Variants in SEMA3E observed in about 807,000 individuals in gnomAD.
The protein encoded by SEMA3E is semaphorin 3E.
In SEMA3E, 49 loss-of-function variants were observed where a neutral mutation model predicts 93.6. The observed-to-expected ratio is 0.52, with a 90% confidence interval of 0.42 to 0.66. The LOEUF (loss-of-function observed/expected upper bound fraction) is 0.66. Among genes scored for constraint, SEMA3E ranks in the 30% least tolerant of loss-of-function variants. The pLI is 0.00. For missense variants in SEMA3E, 906 were observed against 964.8 expected, an observed-to-expected ratio of 0.94 and a Z score of 0.81; for synonymous variants, 363 against 330.7, an observed-to-expected ratio of 1.10 and a Z score of -1.06.
chr7:83,579,757 A>G (rs574872161), intron 1 of SEMA3E, among the ~76,000 whole-genome samples: 1 of 152,240 alleles, frequency 6.6e-6, no homozygotes, highest in African/African-American at 2.4e-5. Flanking sequence ...CAAGGTTAAA[A>G]TCTCAGAAAT....
intron 5 of SEMA3E, 30 bp downstream of exon 5, chr7:83,418,360 C>T: frequency 6.9e-7 from 1 of 1,459,714 alleles, no homozygotes; most frequent in Non-Finnish European, 9.6e-7. Flanking sequence ...CTTATGACTA[C>T]CACCTGATGT....
chr7:83,641,821 A>C (rs1794015400), intron 1 of SEMA3E, among the ~76,000 whole-genome samples: 1 of 152,218 alleles, frequency 6.6e-6, no homozygotes, highest in African/African-American at 2.4e-5. Context: ...TCTGAATCTC[A>C]TCTGATTTAC....
rs572673533 is a variant in SEMA3E at position 83,637,785 on chromosome 7, A to C, written c.115+10643T>G. ...CTTTATAAATTATCCAGTCTCTGGCAGTTCTTTTTTTTTTTTTTTTTCATT... is the reference window on the plus strand; with the variant it reads ...CTTTATAAATTATCCAGTCTCTGGCCGTTCTTTTTTTTTTTTTTTTTCATT... On this transcript the variant is annotated intron_variant, in intron 1 of 16. Transcript: ENST00000643230. Among the ~76,000 whole-genome samples the C allele has an allele frequency of 4.1e-5, 5 of 122,146 alleles. No individual in the cohort carries two copies. In the East Asian group the frequency reaches 9.9e-4, roughly 24 times the overall value. 80.1% of individuals were successfully genotyped at this position (122,146 alleles called of 152,430 possible).
chr7:83,462,316 C>T (rs1468826002), intron 4 of SEMA3E, among the ~76,000 whole-genome samples: 3 of 152,168 alleles, frequency 2.0e-5, no homozygotes, highest in Non-Finnish European at 4.4e-5. Context: ...GTATTGACAG[C>T]TAGGCTTCTA....
intron 1 of SEMA3E, among the ~76,000 whole-genome samples, chr7:83,558,764 T>C (rs1791969918): frequency 6.6e-6 from 1 of 152,088 alleles, no homozygotes; most frequent in African/African-American, 2.4e-5. Flanking sequence ...TTAAAACTCC[T>C]ACCTTAAGTG....
chr7:83,593,284 CTGTGTG>C (rs66605514), intron 1 of SEMA3E, among the ~76,000 whole-genome samples: 3,425 of 116,416 alleles, frequency 0.029, 66 homozygotes, highest in African/African-American at 0.04. Context: ...CTCTCTCTCT[CTGTGTG>C]TGTGTGTGTG....
At chr7:83,413,953 G>A (rs1006079230) in intron 5 of SEMA3E, among the ~76,000 whole-genome samples, 1 of 152,092 alleles carries the variant, frequency 6.6e-6, no homozygotes, top group Admixed American at 6.6e-5. Flanking sequence ...ACCTCTTTTC[G>A]TTGTGACGGA....
At chr7:83,647,289 G>A (rs564185512) in intron 1 of SEMA3E, among the ~76,000 whole-genome samples, 295 of 152,166 alleles carry the variant, frequency 1.9e-3, no homozygotes, top group African/African-American at 6.2e-3. Flanking sequence ...AAGGCCAAAC[G>A]TGTCACATAA....
chr7:83,622,505 C>A (rs1365063617), intron 1 of SEMA3E, among the ~76,000 whole-genome samples: 1 of 151,972 alleles, frequency 6.6e-6, no homozygotes, highest in African/African-American at 2.4e-5. Context: ...AATATAAATC[C>A]TTCTATTATA....
rs1365350021 is a variant in SEMA3E, at chr7:83,365,735, CCTG to C, written c.*1848_*1850del. 6.6e-6 allele frequency: 1 copy of C among 151,990 alleles called. No homozygotes were observed. Among genetic ancestry groups the C allele is most frequent in the Non-Finnish European group, 1.5e-5 (1 of 67,976 alleles). The allele number at this position is 151,990 out of a possible 1,614,324, so 9.4% of individuals were successfully genotyped here. On this transcript the variant is annotated 3_prime_UTR_variant, in exon 17 of 17. Coordinates refer to ENST00000643230, the MANE Select transcript of SEMA3E (RefSeq NM_012431.3). ...TTAAAATTCAGATACAGGAGAAAATCCTGCTTTCTTTCTTGTGTGTTAATGGAA... is the reference window on the plus strand; with the variant it reads ...TTAAAATTCAGATACAGGAGAAAATCCTTTCTTTCTTGTGTGTTAATGGAA...
chr7:83,621,232 A>T (rs566373891), intron 1 of SEMA3E, among the ~76,000 whole-genome samples: 123 of 151,456 alleles, frequency 8.1e-4, no homozygotes, highest in African/African-American at 2.8e-3. Flanking sequence ...TCATGAATGA[A>T]CTCCCATTCA....
At chr7:83,514,757 C>T (rs1163731085) in intron 1 of SEMA3E, among the ~76,000 whole-genome samples, 2 of 151,884 alleles carry the variant, frequency 1.3e-5, no homozygotes, top group South Asian at 2.1e-4. Flanking sequence ...AGGTACATGG[C>T]CATTATTAAC....
intron 10 of SEMA3E, among the ~76,000 whole-genome samples, chr7:83,401,648 G>A (rs986261959): frequency 2.6e-5 from 4 of 152,080 alleles, no homozygotes; most frequent in Admixed American, 1.3e-4. Context: ...TTTTAAGCTA[G>A]TGAGAGAGAG....
At chr7:83,571,474 T>C (rs1327845785) in intron 1 of SEMA3E, among the ~76,000 whole-genome samples, 2 of 152,128 alleles carry the variant, frequency 1.3e-5, no homozygotes, top group African/African-American at 4.8e-5. Flanking sequence ...AACAAAACCA[T>C]ATGATCATCT....
chr7:83,372,480 C>A (rs1335482010), intron 16 of SEMA3E, among the ~76,000 whole-genome samples: 1 of 152,010 alleles, frequency 6.6e-6, no homozygotes, highest in African/African-American at 2.4e-5. Flanking sequence ...AATACAAATT[C>A]TTGACCACTA....
intron 1 of SEMA3E, among the ~76,000 whole-genome samples, chr7:83,624,570 GT>G: frequency 6.6e-6 from 1 of 151,910 alleles, no homozygotes; most frequent in Admixed American, 6.6e-5. Flanking sequence ...TGATGGGGTT[GT>G]TTTTTTATTT....
In SEMA3E at chr7:83,366,673, A is replaced by G. The variant is rs1163530232; in HGVS notation, c.*913T>C. 6.6e-6 allele frequency: 1 copy of G among 152,150 alleles called. No individual in the cohort carries two copies. Among genetic ancestry groups the G allele is most frequent in the Admixed American group, 6.5e-5 (1 of 15,270 alleles). 9.4% of individuals were successfully genotyped at this position (152,150 alleles called of 1,614,324 possible). A position where few individuals can be genotyped will look rare whatever the true frequency, so the allele number is the denominator to read the frequency against. ...ATTAAAGTATGATACAAGGATTAACATGTTTTTTATTTCAGTTATTTGTTT... is the reference window on the plus strand; with the variant it reads ...ATTAAAGTATGATACAAGGATTAACGTGTTTTTTATTTCAGTTATTTGTTT... On this transcript the variant is annotated 3_prime_UTR_variant, in exon 17 of 17. Coordinates refer to ENST00000643230, the MANE Select transcript of SEMA3E (RefSeq NM_012431.3).
At chr7:83,417,024 G>C (rs1334531617) in intron 5 of SEMA3E, among the ~76,000 whole-genome samples, 8 of 110,176 alleles carry the variant, frequency 7.3e-5, no homozygotes, top group East Asian at 1.9e-4. Context: ...CAGGGAGAGA[G>C]AGAGAGAGAG....
At chr7:83,521,392 G>T (rs2115687569) in intron 1 of SEMA3E, among the ~76,000 whole-genome samples, 1 of 152,262 alleles carries the variant, frequency 6.6e-6, no homozygotes, top group East Asian at 1.9e-4. Context: ...GGATGGCTCA[G>T]AAATTGCATT....
Sources: allele counts gnomAD v4.1 joint callset (sites outside exome capture counted in the v4.1 genomes callset), GRCh38; gene constraint gnomAD v4.1.1; transcripts MANE v1.5; gene names NCBI Gene and HGNC (gene_info 2026-07-23, HGNC 2026-07-21).